Variants in NAV2 observed in about 807,000 individuals in gnomAD.
NAV2 encodes neuron navigator 2.
In NAV2, 54 loss-of-function variants were observed where a neutral mutation model predicts 223.2. That is an observed-to-expected ratio of 0.24 (90% CI 0.19 to 0.30). The LOEUF (loss-of-function observed/expected upper bound fraction) is 0.30, where lower values mean the gene tolerates loss of function less well. Ranked by LOEUF, NAV2 falls within the 10% of genes least tolerant of loss-of-function variation. The pLI is 1.00. For synonymous variants in NAV2, 1,279 were observed against 1,239.3 expected, an observed-to-expected ratio of 1.03 and a Z score of -0.67; for missense variants, 2,806 against 3,147.5, an observed-to-expected ratio of 0.89 and a Z score of 2.60.
At chr11:19,977,930 G>T (rs919787458) in intron 10 of NAV2, among the ~76,000 whole-genome samples, 2 of 149,596 alleles carry the variant, frequency 1.3e-5, no homozygotes, top group South Asian at 4.2e-4. Context: ...TCAGTCTCCC[G>T]AGTAGCTGGG....
chr11:19,859,859 G>A (rs1378067120), intron 3 of NAV2, among the ~76,000 whole-genome samples: 2 of 134,546 alleles, frequency 1.5e-5, no homozygotes, highest in Non-Finnish European at 3.2e-5. Flanking sequence ...GCGGCTGGCC[G>A]GGCGGGGGGC....
At chr11:19,904,523 G>T (rs112491003) in intron 6 of NAV2, among the ~76,000 whole-genome samples, 58 of 152,256 alleles carry the variant, frequency 3.8e-4, no homozygotes, top group African/African-American at 1.4e-3. Flanking sequence ...AAAGTTTGCA[G>T]GGTCCATTGT....
chr11:19,691,792 A>G (rs1471444412), intron 1 of NAV2, among the ~76,000 whole-genome samples: 3 of 152,192 alleles, frequency 2.0e-5, no homozygotes, highest in Non-Finnish European at 4.4e-5. Context: ...AAGGGCAAAG[A>G]AGCCCAAAAT....
Position 19,376,902 on chromosome 11 carries a change from C to A in NAV2, c.75+25875C>A, listed in dbSNP as rs576382532. Among the ~76,000 whole-genome samples, 12 of 152,310 alleles carry A rather than the reference C, an allele frequency of 7.9e-5. No homozygotes were observed. The South Asian group carries it at 2.5e-3, about 32-fold the overall frequency. On this transcript the variant is annotated intron_variant, in intron 1 of 37. Coordinates refer to the NAV2 transcript ENST00000360655. ...GTATTTCCCTGGGTTGTCCCAGTTT[C>A]CTAGGCACCACTTATTGGCCACTTC... is the stretch of plus-strand genomic sequence containing the variant.
At chr11:19,874,295 G>T (rs970668337) in intron 4 of NAV2, among the ~76,000 whole-genome samples, 3 of 152,212 alleles carry the variant, frequency 2.0e-5, no homozygotes, top group Admixed American at 6.5e-5. Context: ...TGGAATATGA[G>T]AATATGGCCC....
At chr11:19,598,323 T>A (rs2046264107) in intron 1 of NAV2, among the ~76,000 whole-genome samples, 1 of 152,246 alleles carries the variant, frequency 6.6e-6, no homozygotes, top group South Asian at 2.1e-4. Flanking sequence ...TAGCCATCCG[T>A]GAGCCGAGGA....
intron 10 of NAV2, among the ~76,000 whole-genome samples, chr11:19,954,042 G>A (rs960353125): frequency 1.3e-5 from 2 of 152,178 alleles, no homozygotes; most frequent in Middle Eastern, 3.2e-3. Context: ...GCTACCACAC[G>A]CTATGAAGCT....
chr11:19,350,766 G>C (rs1468012521), exon 1 of NAV2: 1 of 609,922 alleles, frequency 1.6e-6, no homozygotes, highest in African/African-American at 1.8e-5. Flanking sequence ...CAAAGGCAGT[G>C]GTGCCGAGTG....
chr11:19,533,073 AG>A (rs746999945), intron 1 of NAV2, among the ~76,000 whole-genome samples: 3 of 152,150 alleles, frequency 2.0e-5, no homozygotes, highest in Non-Finnish European at 2.9e-5. Context: ...AGGTGGAAGA[AG>A]GGGAAAAGTG....
intron 27 of NAV2, among the ~76,000 whole-genome samples, 161 bp downstream of exon 27, chr11:20,091,179 C>G (rs906153291): frequency 6.6e-6 from 1 of 152,202 alleles, no homozygotes; most frequent in Non-Finnish European, 1.5e-5. Flanking sequence ...TGCTCAAAGA[C>G]CCAGTCTTTT....
At position 19,713,174 on chromosome 11, in the gene NAV2, CCTT is replaced by C. The variant is rs1413230737; in HGVS notation, c.-516_-514del. On this transcript the variant is annotated 5_prime_UTR_variant, in exon 1 of 38. Transcript: ENST00000349880. This position sits in a 1 kb window ranked among gnomAD's most constrained non-coding sequence, Gnocchi z 7.2. Reference sequence around the variant, plus strand: ...TGGAGACGTCTTGGGACCCTTGCGCCCTTCTTCTCTCCTTCCTTCGCTGCTGTC... The same window carrying C: ...TGGAGACGTCTTGGGACCCTTGCGCCCTTCTCTCCTTCCTTCGCTGCTGTC... 1.4e-4 allele frequency among the ~76,000 whole-genome samples: 21 copies of C among 152,062 alleles called. No homozygotes were observed. The highest frequency in any genetic ancestry group is 1.9e-4 in the East Asian group (1 of 5,142).
intron 1 of NAV2, among the ~76,000 whole-genome samples, chr11:19,776,181 TC>T (rs1671514345): frequency 6.6e-6 from 1 of 152,206 alleles, no homozygotes; most frequent in Non-Finnish European, 1.5e-5. Context: ...AGAAACAAGT[TC>T]CGAGGTCTGG....
rs547430753 is a variant in NAV2, at chr11:20,092,500, T to G, written c.5815+132T>G. The G allele has an allele frequency of 1.2e-5, 11 of 880,276 alleles. No individual in the cohort carries two copies. In the East Asian group the frequency reaches 2.6e-4, roughly 21 times the overall value. The allele number at this position is 880,276 out of a possible 1,614,324, so 54.5% of individuals were successfully genotyped here. ...AACAGGCGTGTGTGCACTTGGGGTG[T>G]GTATGTGTCTGGGTGTGAGTCTGCT... On this transcript the variant is annotated intron_variant, in intron 28 of 37. Coordinates refer to ENST00000349880, the MANE Select transcript of NAV2 (RefSeq NM_145117.5).
chr11:19,869,141 G>T (rs930865209), intron 4 of NAV2, 144 bp downstream of exon 4: 3 of 755,626 alleles, frequency 4.0e-6, no homozygotes, highest in Non-Finnish European at 6.3e-6. Context: ...CTCAGTGGTT[G>T]CCTAGACTTG....
intron 1 of NAV2, among the ~76,000 whole-genome samples, chr11:19,523,350 G>A (rs1323394397): frequency 6.7e-6 from 1 of 150,252 alleles, no homozygotes; most frequent in Non-Finnish European, 1.5e-5. Flanking sequence ...CACAGGCTCT[G>A]GAGTCAGGAA....
intron 1 of NAV2, among the ~76,000 whole-genome samples, chr11:19,422,577 C>T (rs550388645): frequency 5.2e-4 from 73 of 139,670 alleles, no homozygotes; most frequent in East Asian, 2.0e-3. Context: ...GGCCCTTCTG[C>T]GGCTGAGCAT....
intron 6 of NAV2, among the ~76,000 whole-genome samples, chr11:19,902,716 G>C (rs1478107798): frequency 1.3e-5 from 2 of 152,094 alleles, no homozygotes; most frequent in Admixed American, 1.3e-4. Flanking sequence ...ACCTTTCTGG[G>C]TGCTCTCATA....
chr11:19,949,124 T>C (rs755458171), intron 10 of NAV2, 44 bp downstream of exon 10: 34 of 1,531,754 alleles, frequency 2.2e-5, no homozygotes, highest in Non-Finnish European at 2.9e-5. Flanking sequence ...GAAAGAGGGC[T>C]TGGCACCTGG....
At chr11:19,769,216 G>A (rs1350672035) in intron 1 of NAV2, among the ~76,000 whole-genome samples, 1 of 152,238 alleles carries the variant, frequency 6.6e-6, no homozygotes, top group Non-Finnish European at 1.5e-5. Flanking sequence ...GAAGGAAGCT[G>A]TGGAAAGGAA....
Sources: allele counts gnomAD v4.1 joint callset (sites outside exome capture counted in the v4.1 genomes callset), GRCh38; gene constraint gnomAD v4.1.1; non-coding constraint Gnocchi (gnomAD v3.1); transcripts MANE v1.5; gene names NCBI Gene and HGNC (gene_info 2026-07-23, HGNC 2026-07-21).